Variants in KCNH1 observed in about 807,000 individuals in gnomAD.
The protein encoded by KCNH1 is voltage-gated delayed rectifier potassium channel KCNH1.
In KCNH1, 27 loss-of-function variants were observed where a neutral mutation model predicts 69.2. The observed-to-expected ratio is 0.39, with a 90% confidence interval of 0.29 to 0.54. KCNH1 has a LOEUF of 0.54. Among genes scored for constraint, KCNH1 ranks in the 20% least tolerant of loss-of-function variants. The pLI is 0.68. For missense variants in KCNH1, 798 were observed against 1,261.6 expected, an observed-to-expected ratio of 0.63 and a Z score of 5.57; for synonymous variants, 456 against 487.7, an observed-to-expected ratio of 0.93 and a Z score of 0.86.
At chr1:210,806,824 AAAAAAAAAAAAAATAT>A (rs1558477789) in intron 7 of KCNH1, among the ~76,000 whole-genome samples, 41 of 44,808 alleles carry the variant, frequency 9.2e-4, no homozygotes, top group South Asian at 2.7e-3. Context: ...AAAAAAAAAA[AAAAAAAAAAAAAATAT>A]ATATATATAT....
chr1:210,968,989 A>T (rs1688463604), intron 6 of KCNH1, among the ~76,000 whole-genome samples: 1 of 152,050 alleles, frequency 6.6e-6, no homozygotes, highest in South Asian at 2.1e-4. Context: ...TTATCAGGAA[A>T]TGTTTTTGAC....
intron 5 of KCNH1, among the ~76,000 whole-genome samples, chr1:211,047,134 A>C (rs1027905851): frequency 6.6e-6 from 1 of 152,202 alleles, no homozygotes; most frequent in Non-Finnish European, 1.5e-5. Context: ...TTTCACACCT[A>C]GTATACCTCT....
intron 6 of KCNH1, among the ~76,000 whole-genome samples, chr1:210,926,816 A>G (rs186409664): frequency 1.4e-3 from 216 of 152,276 alleles, no homozygotes; most frequent in Non-Finnish European, 2.5e-3. Context: ...AATCAAAAAC[A>G]TGATACAAGA....
chr1:210,791,256 T>C (rs1030747117), intron 9 of KCNH1, among the ~76,000 whole-genome samples: 1 of 152,144 alleles, frequency 6.6e-6, no homozygotes, highest in Non-Finnish European at 1.5e-5. Flanking sequence ...TCTCACCCCA[T>C]TCCACAAAAA....
intron 10 of KCNH1, among the ~76,000 whole-genome samples, chr1:210,767,244 A>T (rs565071292): frequency 6.6e-5 from 10 of 152,338 alleles, no homozygotes; most frequent in African/African-American, 2.4e-4. Context: ...TGTGAAATGC[A>T]CTTTGAAAAC....
intron 7 of KCNH1, among the ~76,000 whole-genome samples, chr1:210,879,629 C>CA (rs2102506223): frequency 6.6e-6 from 1 of 152,066 alleles, no homozygotes; most frequent in Non-Finnish European, 1.5e-5. Context: ...AGAATATCTA[C>CA]AAAAAACCTA....
At chr1:210,931,288 G>A (rs1489585362) in intron 6 of KCNH1, among the ~76,000 whole-genome samples, 1 of 152,156 alleles carries the variant, frequency 6.6e-6, no homozygotes, top group Non-Finnish European at 1.5e-5. Flanking sequence ...TCAACAAGTG[G>A]ATAAAGAAAA....
chr1:210,919,898 C>T lies in KCNH1; in HGVS notation c.1204G>A (p.Asp402Asn). The T allele has an allele frequency of 6.2e-7, 1 of 1,614,172 alleles. No homozygotes were observed. Among genetic ancestry groups the T allele is most frequent in the Middle Eastern group, 1.7e-4 (1 of 6,060 alleles). The part of the protein sequence containing the change: ...WMACIWYSIG[D>N]YEIFDEDTKT... ...GTGTCCTCGTCAAAGATCTCATAGT[C>T]CCCAATGCTGTACCAGATGCAGGCC... Residue 402 changes from aspartate (D) to asparagine (N), a missense_variant, in exon 7 of 11, where the codon GAC becomes AAC. Asp to Asn is a conservative substitution (Grantham distance 23). Transcript: ENST00000271751. The surrounding 1 kb of genome is among the most constrained non-coding windows in gnomAD (Gnocchi z 4.2).
chr1:211,063,160 A>G (rs1174975165), intron 5 of KCNH1, among the ~76,000 whole-genome samples: 1 of 152,212 alleles, frequency 6.6e-6, no homozygotes, highest in Non-Finnish European at 1.5e-5. Flanking sequence ...CTTTGCAACA[A>G]CATGGATGGA....
intron 6 of KCNH1, among the ~76,000 whole-genome samples, chr1:211,008,263 T>C (rs1022371915): frequency 1.3e-5 from 2 of 152,216 alleles, no homozygotes; most frequent in African/African-American, 4.8e-5. Context: ...TAAACCTTGA[T>C]GACATTATGC....
intron 6 of KCNH1, among the ~76,000 whole-genome samples, chr1:210,978,063 G>T: frequency 6.9e-6 from 1 of 145,254 alleles, no homozygotes. Flanking sequence ...TTTTTTAGAT[G>T]GAGTCTCGCT....
At chr1:210,832,921 T>TATAC (rs10693882) in intron 7 of KCNH1, among the ~76,000 whole-genome samples, 2,398 of 144,282 alleles carry the variant, frequency 0.017, 75 homozygotes, top group African/African-American at 0.056. Context: ...TATATATATA[T>TATAC]ACATATAAAT....
chr1:211,019,901 C>A (rs1008260414), intron 5 of KCNH1, among the ~76,000 whole-genome samples: 4 of 152,044 alleles, frequency 2.6e-5, no homozygotes, highest in African/African-American at 9.7e-5. Context: ...TGTGAATGAC[C>A]AGTGGGTCAA....
chr1:210,715,287 G>C (rs1682199901), intron 10 of KCNH1, among the ~76,000 whole-genome samples: 3 of 152,178 alleles, frequency 2.0e-5, no homozygotes, highest in Admixed American at 6.5e-5. Context: ...GTCACTCCCT[G>C]CAAGAGGGTA....
At position 211,122,786 on chromosome 1, in the gene KCNH1, T is replaced by C. The variant is rs181305210; in HGVS notation, c.79+11081A>G. 1.3e-3 allele frequency among the ~76,000 whole-genome samples: 192 copies of C among 152,098 alleles called. 2 individuals carry two copies. Among genetic ancestry groups the C allele is most frequent in the African/African-American group, 4.0e-3 (168 of 41,494 alleles). On this transcript the variant is annotated intron_variant, in intron 1 of 10. Transcript: ENST00000271751. ...GTGGGAGTTGAACAATGAGAACACA[T>C]GGACACAGAGAGGGGAACAACACAC...
At chr1:210,931,432 T>C (rs918282184) in intron 6 of KCNH1, among the ~76,000 whole-genome samples, 2 of 152,088 alleles carry the variant, frequency 1.3e-5, no homozygotes, top group African/African-American at 4.8e-5. Flanking sequence ...AAACAAACAT[T>C]GTATGTTCTC....
intron 6 of KCNH1, among the ~76,000 whole-genome samples, chr1:210,978,598 T>G (rs1688657300): frequency 6.6e-6 from 1 of 152,214 alleles, no homozygotes; most frequent in Admixed American, 6.5e-5. Context: ...AGGTTATTGT[T>G]GTTTAATAAC....
chr1:211,024,991 T>C (rs994262295), intron 5 of KCNH1, among the ~76,000 whole-genome samples: 1 of 152,154 alleles, frequency 6.6e-6, no homozygotes, highest in African/African-American at 2.4e-5. Context: ...CGCATGCTGT[T>C]CCACATCACG....
At chr1:211,068,576 A>G (rs536895854) in intron 5 of KCNH1, among the ~76,000 whole-genome samples, 14 of 152,254 alleles carry the variant, frequency 9.2e-5, no homozygotes, top group Non-Finnish European at 1.8e-4. Context: ...TTGTATTTTT[A>G]GTAGAGACGA....
Sources: allele counts gnomAD v4.1 joint callset (sites outside exome capture counted in the v4.1 genomes callset), GRCh38; gene constraint gnomAD v4.1.1; non-coding constraint Gnocchi (gnomAD v3.1); transcripts MANE v1.5; gene names NCBI Gene and HGNC (gene_info 2026-07-23, HGNC 2026-07-21).